Variants in ZMIZ1 observed in about 807,000 individuals in gnomAD.
ZMIZ1 encodes the protein zinc finger MIZ domain-containing protein 1.
Under a neutral mutation model 113.9 loss-of-function variants are expected in ZMIZ1, and 17 were observed. The observed-to-expected ratio is 0.15, with a 90% confidence interval of 0.10 to 0.22. The LOEUF (loss-of-function observed/expected upper bound fraction) is 0.22. Among genes scored for constraint, ZMIZ1 ranks in the 10% least tolerant of loss-of-function variants. ZMIZ1 has a pLI of 1.00. For synonymous variants in ZMIZ1, 607 were observed against 603.1 expected (o/e 1.01, Z -0.09); for missense variants, 1,059 against 1,477.8 (o/e 0.72, Z 4.65).
At chr10:79,235,714 G>A (rs1212357721) in intron 7 of ZMIZ1, among the ~76,000 whole-genome samples, 4 of 152,236 alleles carry the variant, frequency 2.6e-5, no homozygotes, top group Non-Finnish European at 4.4e-5. Context: ...AGGAGGTACC[G>A]GGTAGGATGG....
At chr10:79,166,171 C>T (rs1418556420) in intron 4 of ZMIZ1, among the ~76,000 whole-genome samples, 1 of 152,152 alleles carries the variant, frequency 6.6e-6, no homozygotes, top group Non-Finnish European at 1.5e-5. Flanking sequence ...GTCCCTGCAG[C>T]GTATCCCAGG....
intron 3 of ZMIZ1, among the ~76,000 whole-genome samples, chr10:79,145,176 G>A (rs755438558): frequency 1.3e-5 from 2 of 150,010 alleles, no homozygotes; most frequent in Non-Finnish European, 3.0e-5. Flanking sequence ...TCTCTATTCC[G>A]CTCATGGCCT....
chr10:79,203,253 T>A (rs1250574), intron 5 of ZMIZ1, among the ~76,000 whole-genome samples: 1 of 152,028 alleles, frequency 6.6e-6, no homozygotes, highest in African/African-American at 2.4e-5. Flanking sequence ...AGAACGAGGG[T>A]TGTGTGTCTT....
chr10:79,109,238 A>C (rs1333261877), intron 1 of ZMIZ1, among the ~76,000 whole-genome samples: 1 of 152,100 alleles, frequency 6.6e-6, no homozygotes, highest in Non-Finnish European at 1.5e-5. Context: ...AGGGGTGTAC[A>C]TGCCTCTGTG....
chr10:79,253,876 GCA>G (rs376287548), intron 7 of ZMIZ1, among the ~76,000 whole-genome samples: 5 of 151,824 alleles, frequency 3.3e-5, no homozygotes, highest in East Asian at 1.9e-4. Flanking sequence ...ACAGGTACAT[GCA>G]CACACACACA....
intron 4 of ZMIZ1, among the ~76,000 whole-genome samples, chr10:79,185,946 AAGG>A (rs1847334032): frequency 6.6e-6 from 1 of 152,220 alleles, no homozygotes; most frequent in South Asian, 2.1e-4. Flanking sequence ...GAGGCTGTCT[AAGG>A]AGTAGCGAGG....
chr10:79,168,900 G>A (rs781248972), intron 4 of ZMIZ1, among the ~76,000 whole-genome samples: 69 of 152,330 alleles, frequency 4.5e-4, no homozygotes, highest in Admixed American at 1.9e-3. Context: ...TTAACGGAGA[G>A]CAGGAAATTT....
At chr10:79,099,910 C>T (rs371192967) in intron 1 of ZMIZ1, among the ~76,000 whole-genome samples, 7 of 152,076 alleles carry the variant, frequency 4.6e-5, no homozygotes, top group Middle Eastern at 3.2e-3. Context: ...TGGTCCTAAC[C>T]GGTGTGGTTC....
intron 1 of ZMIZ1, among the ~76,000 whole-genome samples, chr10:79,095,716 C>T (rs928272775): frequency 6.6e-5 from 10 of 152,350 alleles, no homozygotes; most frequent in East Asian, 3.9e-4. Context: ...TGCAGACCCC[C>T]GCACCCCGTG....
At chr10:79,125,332 C>T (rs1046350955) in intron 2 of ZMIZ1, among the ~76,000 whole-genome samples, 1 of 152,208 alleles carries the variant, frequency 6.6e-6, no homozygotes, top group African/African-American at 2.4e-5. Flanking sequence ...CGGGGGCACA[C>T]AGCATTCCTC....
rs571434529 is a variant in ZMIZ1 at position 79,308,906 on chromosome 10, C to T, written c.2835+1335C>T. 9.2e-5 allele frequency among the ~76,000 whole-genome samples: 14 copies of T among 152,300 alleles called. No homozygotes were observed. The East Asian group carries it at 1.2e-3, about 13-fold the overall frequency. On this transcript the variant is annotated intron_variant, in intron 23 of 24. Coordinates refer to ENST00000334512, the MANE Select transcript of ZMIZ1 (RefSeq NM_020338.4). ...GCTTTCTCCTGCCTTCTGTGAGCCC[C>T]GCTGCCTGCATTCTGTGTGGCTTGA...
chr10:79,099,563 G>A (rs1843285834), intron 1 of ZMIZ1, among the ~76,000 whole-genome samples: 1 of 152,190 alleles, frequency 6.6e-6, no homozygotes, highest in African/African-American at 2.4e-5. Flanking sequence ...GTGGCCTCTG[G>A]GCCCAGGTCT....
intron 7 of ZMIZ1, among the ~76,000 whole-genome samples, chr10:79,218,354 G>A (rs1413410546): frequency 1.3e-5 from 2 of 151,970 alleles, no homozygotes; most frequent in East Asian, 3.9e-4. Context: ...GCACGCCTGT[G>A]GTCCCAGCTG....
intron 4 of ZMIZ1, among the ~76,000 whole-genome samples, chr10:79,192,196 C>T (rs1329378992): frequency 6.6e-6 from 1 of 152,244 alleles, no homozygotes; most frequent in African/African-American, 2.4e-5. Context: ...CCCAGAAAGA[C>T]AAGGCACACC....
intron 3 of ZMIZ1, among the ~76,000 whole-genome samples, chr10:79,151,137 T>C (rs1845696916): frequency 1.3e-5 from 2 of 152,052 alleles, no homozygotes; most frequent in Non-Finnish European, 2.9e-5. Flanking sequence ...GCTGAAAGCT[T>C]GTCAGCAGCA....
At chr10:79,196,115 T>C (rs1229992234) in intron 4 of ZMIZ1, among the ~76,000 whole-genome samples, 1 of 152,156 alleles carries the variant, frequency 6.6e-6, no homozygotes. Flanking sequence ...ATCTCCTCCA[T>C]TCCTGGGGTT....
chr10:79,298,067 T>C (rs1206436768), intron 14 of ZMIZ1, among the ~76,000 whole-genome samples: 1 of 152,104 alleles, frequency 6.6e-6, no homozygotes, highest in Non-Finnish European at 1.5e-5. Flanking sequence ...AGGCCTGGGC[T>C]TCATTCCCGC....
At chr10:79,183,705 A>G (rs1847229818) in intron 4 of ZMIZ1, among the ~76,000 whole-genome samples, 1 of 152,192 alleles carries the variant, frequency 6.6e-6, no homozygotes, top group Non-Finnish European at 1.5e-5. Flanking sequence ...CATCTGTGCA[A>G]AGGAGCTAAT....
rs371782557 is a variant in ZMIZ1, at chr10:79,304,057, C to T, written c.2168C>T (p.Thr723Met). Reference sequence around the variant, plus strand: ...AGCGTGGCTGCCTCCTCGGGCAACACGACCCTCAACGGGGAGGATGGGGTG... The same window carrying T: ...AGCGTGGCTGCCTCCTCGGGCAACATGACCCTCAACGGGGAGGATGGGGTG... Reference protein sequence around the residue: ...FSSVAASSGNTTLNGEDGVEQ... With the variant: ...FSSVAASSGNMTLNGEDGVEQ... Residue 723 changes from threonine to methionine, a missense_variant, in exon 19 of 25, where the codon ACG becomes ATG. Physicochemically the swap from Thr to Met is moderately conservative, Grantham distance 81 (BLOSUM62 -1). Transcript: ENST00000334512. The T allele has an allele frequency of 5.6e-6, 9 of 1,614,084 alleles. No homozygotes were observed. Among genetic ancestry groups the T allele is most frequent in the African/African-American group, 2.7e-5 (2 of 74,954 alleles).
Sources: gnomAD v4.1 joint callset for allele counts (sites outside exome capture counted in the v4.1 genomes callset) on GRCh38, gnomAD v4.1.1 for gene constraint, MANE v1.5 for transcripts, NCBI Gene and HGNC (gene_info 2026-07-23, HGNC 2026-07-21) for gene names.